HYAL3: variants seen among roughly 807,000 people sequenced by gnomAD.
HYAL3 encodes hyaluronidase-3.
In HYAL3, 25 loss-of-function variants were observed where a neutral mutation model predicts 29.6. The observed-to-expected ratio is 0.85, with a 90% CI of 0.62 to 1.18. HYAL3 has a LOEUF of 1.18. Ranked by LOEUF, HYAL3 falls within the 50% of genes most tolerant of loss-of-function variation. The pLI is 0.00. For missense variants in HYAL3, 442 were observed against 548.4 expected (o/e 0.81, Z 1.94); for synonymous variants, 215 against 218.3 (o/e 0.99, Z 0.13).
intron 1 of HYAL3, chr3:50,296,658 G>A (rs782146142): frequency 1.2e-6 from 2 of 1,614,000 alleles, no homozygotes; most frequent in South Asian, 1.1e-5. Context: ...TTGATATTGT[G>A]TCTCCAGCAG....
intron 1 of HYAL3, chr3:50,298,124 C>G: frequency 1.0e-6 from 1 of 983,458 alleles, no homozygotes; most frequent in Non-Finnish European, 1.2e-6. Flanking sequence ...ACACTATACC[C>G]CCTGCTCAAA....
chr3:50,296,734 G>A lies in HYAL3; in HGVS notation c.-17-1115C>T, dbSNP rs374067234. ...GTCAGGCACTCAGGTAGGGGAGGGG[G>A]TGGTGGCAATGGAGGTCCCTTGGGA... On this transcript the variant is annotated intron_variant, in intron 1 of 3. Transcript: ENST00000336307. 80 of 1,611,624 alleles carry A rather than the reference G, an allele frequency of 5.0e-5. No homozygotes were observed. Among genetic ancestry groups the A allele is most frequent in the Non-Finnish European group, 6.1e-5 (72 of 1,178,846 alleles).
In HYAL3 at chr3:50,299,395, T is replaced by C. The variant is rs1328801528; in HGVS notation, c.-200A>G. The C allele has an allele frequency of 7.2e-7, 1 of 1,392,728 alleles. No individual in the cohort carries two copies. Among genetic ancestry groups the C allele is most frequent in the Non-Finnish European group, 9.7e-7 (1 of 1,029,188 alleles). The allele number at this position is 1,392,728 out of a possible 1,614,324, so 86.3% of individuals were successfully genotyped here. A position where few individuals can be genotyped will look rare whatever the true frequency, so the allele number is the denominator to read the frequency against. On this transcript the variant is annotated 5_prime_UTR_variant, in exon 1 of 4. Coordinates refer to ENST00000336307, the MANE Select transcript of HYAL3 (RefSeq NM_003549.4). ...TCTAAGGCCTCCCAGCACCCGCGCG[T>C]CGCCGCTTAGAACCCGCCCCTGGTT... is the stretch of plus-strand genomic sequence containing the variant.
At position 50,295,039 on chromosome 3, in the gene HYAL3, G is replaced by A; in HGVS notation, c.564C>T (p.Ala188=). 1.2e-6 allele frequency: 2 copies of A among 1,613,374 alleles called. No homozygotes were observed. Among genetic ancestry groups the A allele is most frequent in the Non-Finnish European group, 1.7e-6 (2 of 1,179,918 alleles). Residue 188 remains alanine, a synonymous_variant, in exon 2 of 4, where the codon GCC becomes GCT. Transcript: ENST00000336307. The part of the protein sequence containing the change: ...RALMEDTLRV[A]QALRPHGLWG... ...AGAGTCCATGGGGCCGTAGTGCCTG[G>A]GCCACCCGCAGCGTATCCTCCATCA... is the stretch of plus-strand genomic sequence containing the variant.
chr3:50,296,628 A>G, intron 1 of HYAL3: 1 of 1,613,818 alleles, frequency 6.2e-7, no homozygotes, highest in Non-Finnish European at 8.5e-7. Context: ...CATCCAGAAT[A>G]TGGGGCGCCC....
In HYAL3 at chr3:50,299,359, C is replaced by G; in HGVS notation, c.-164G>C. ...TCTGCAGCCGTCGCGTCCTGCGGCA[C>G]GCCACGGCGTTCTAAGGCCTCCCAG... is the stretch of plus-strand genomic sequence containing the variant. On this transcript the variant is annotated 5_prime_UTR_variant, in exon 1 of 4. Transcript: ENST00000336307. 1.3e-6 allele frequency: 2 copies of G among 1,547,000 alleles called. No homozygotes were observed. The highest frequency in any genetic ancestry group is 1.7e-6 in the Non-Finnish European group (2 of 1,147,444).
At position 50,294,914 on chromosome 3, in the gene HYAL3, T is replaced by A. The variant is rs1701779354; in HGVS notation, c.689A>T (p.Gln230Leu). 6.3e-7 allele frequency: 1 copy of A among 1,592,066 alleles called. No homozygotes were observed. The highest frequency in any genetic ancestry group is 1.3e-5 in the African/African-American group (1 of 74,558). Residue 230 changes from glutamine (Q) to leucine (L), a missense_variant, in exon 2 of 4, where the codon CAA becomes CTA. Coordinates refer to ENST00000336307, the MANE Select transcript of HYAL3 (RefSeq NM_003549.4). ...CHAATLARNT[Q>L]LHWLWAASSA... ...GGAGGCGGCCCAGAGCCAATGCAGT[T>A]GAGTGTTGCGGGCAAGGGTGGCTGC...
chr3:50,296,257 G>C (rs1553711120), intron 1 of HYAL3: 1 of 327,484 alleles, frequency 3.1e-6, no homozygotes, highest in Admixed American at 4.5e-5. Context: ...CCTGAGCCAG[G>C]TGGGGGGTAA....
intron 1 of HYAL3, 118 bp downstream of exon 1, chr3:50,299,095 G>A: frequency 6.2e-7 from 1 of 1,605,992 alleles, no homozygotes. Context: ...GTGTGGCTCG[G>A]CATGGTCTGG....
chr3:50,297,005 G>T lies in HYAL3; in HGVS notation c.-17-1386C>A. The T allele has an allele frequency of 6.4e-7, 1 of 1,555,104 alleles. No homozygotes were observed. ...CCTCCAGGCCCTCCATGAGGCGGCG[G>T]CCAAAGCCACGGCCCCTCAGGGCCC... On this transcript the variant is annotated intron_variant, in intron 1 of 3. Coordinates refer to ENST00000336307, the MANE Select transcript of HYAL3 (RefSeq NM_003549.4). The surrounding 1 kb of genome is among the most constrained non-coding windows in gnomAD (Gnocchi z 4.3).
rs1228953135 is a variant in HYAL3 at position 50,293,621 on chromosome 3, G to T, written c.984+11C>A. On this transcript the variant is annotated intron_variant, in intron 3 of 3. Transcript: ENST00000336307. ...TGTGCTACATGGCAGGCTCAAAGGG[G>T]CAATGATCACCTCAGAGCTGGAGAG... 1 of 1,613,678 alleles carries T rather than the reference G, an allele frequency of 6.2e-7. No individual in the cohort carries two copies. The highest frequency in any genetic ancestry group is 8.5e-7 in the Non-Finnish European group (1 of 1,179,950).
At chr3:50,295,839 G>A (rs782368917) in intron 1 of HYAL3, 94 of 548,156 alleles carry the variant, frequency 1.7e-4, no homozygotes, top group Middle Eastern at 4.8e-4. Flanking sequence ...ACACCAAAGC[G>A]GGCTTTACAG....
Position 50,297,423 on chromosome 3 carries a change from A to C in HYAL3, c.-18+1790T>G, listed in dbSNP as rs782213113. The C allele has an allele frequency of 6.2e-7, 1 of 1,613,012 alleles. No homozygotes were observed. Among genetic ancestry groups the C allele is most frequent in the South Asian group, 1.1e-5 (1 of 90,874 alleles). On this transcript the variant is annotated intron_variant, in intron 1 of 3. Transcript: ENST00000336307. This position sits in a 1 kb window ranked among gnomAD's most constrained non-coding sequence, Gnocchi z 4.3. ...CAGCTTTGGCTGGCACGCAGGATCC[A>C]GAGTCAGCTCAGCTGGGCTGGTACT...
rs782691373 is a variant in HYAL3 at position 50,293,370 on chromosome 3, G to C, written c.1130C>G (p.Ala377Gly). The change falls in exon 4 of 4, where the codon GCC becomes GGC. Residue 377 changes from alanine (A) to glycine (G), a missense_variant. Transcript: ENST00000336307. Reference sequence around the variant, plus strand: ...GCCGTCTGGCCACAGGTGTAGAAAGGCTTCCATCTGTCCTGGATCTCGCCG... The same window carrying C: ...GCCGTCTGGCCACAGGTGTAGAAAGCCTTCCATCTGTCCTGGATCTCGCCG... ...CARRDPGQME[A>G]FLHLWPDGSL... 6.2e-7 allele frequency: 1 copy of C among 1,613,458 alleles called. No homozygotes were observed. The highest frequency in any genetic ancestry group is 1.3e-5 in the African/African-American group (1 of 74,942).
intron 1 of HYAL3, 86 bp from the exon 2 acceptor site, chr3:50,295,705 C>A: frequency 8.6e-7 from 1 of 1,162,596 alleles, no homozygotes; most frequent in East Asian, 2.5e-5. Flanking sequence ...AAAGCTCCCC[C>A]AGCTCCTCCC....
In HYAL3 at chr3:50,299,286, C is replaced by T. The variant is rs1327936019; in HGVS notation, c.-91G>A. On this transcript the variant is annotated 5_prime_UTR_variant, in exon 1 of 4. Transcript: ENST00000336307. ...TGGGTATCTCACTCAGTCGCCACCT[C>T]GGACTCCTCGGTCCGACAACGTTGG... The T allele has an allele frequency of 1.9e-6, 3 of 1,612,878 alleles. No individual in the cohort carries two copies. Among genetic ancestry groups the T allele is most frequent in the Non-Finnish European group, 2.5e-6 (3 of 1,179,846 alleles).
At chr3:50,296,194 G>A (rs991078312) in intron 1 of HYAL3, among the ~76,000 whole-genome samples, 9 of 152,196 alleles carry the variant, frequency 5.9e-5, no homozygotes, top group African/African-American at 2.2e-4. Context: ...ACACACAGTA[G>A]GTGCTCAGTG....
rs782352104 is a variant in HYAL3, at chr3:50,297,444, G to A, written c.-18+1769C>T. Reference sequence around the variant, plus strand: ...ATCCAGAGTCAGCTCAGCTGGGCTGGTACTCAGGATCAGCTCCATCCGGTG... The same window carrying A: ...ATCCAGAGTCAGCTCAGCTGGGCTGATACTCAGGATCAGCTCCATCCGGTG... On this transcript the variant is annotated intron_variant, in intron 1 of 3. Coordinates refer to ENST00000336307, the MANE Select transcript of HYAL3 (RefSeq NM_003549.4). This position sits in a 1 kb window ranked among gnomAD's most constrained non-coding sequence, Gnocchi z 4.3. The A allele has an allele frequency of 1.9e-6, 3 of 1,609,526 alleles. No homozygotes were observed. Among genetic ancestry groups the A allele is most frequent in the Non-Finnish European group, 2.5e-6 (3 of 1,177,474 alleles).
At chr3:50,295,730 G>A in intron 1 of HYAL3, 111 bp from the exon 2 acceptor site, 2 of 932,272 alleles carry the variant, frequency 2.1e-6, no homozygotes, top group Non-Finnish European at 3.1e-6. Context: ...CTTACAGGAG[G>A]AGCTGGGGAA....
Sources: allele counts gnomAD v4.1 joint callset (sites outside exome capture counted in the v4.1 genomes callset), GRCh38; gene constraint gnomAD v4.1.1; non-coding constraint Gnocchi (gnomAD v3.1); transcripts MANE v1.5; gene names NCBI Gene and HGNC (gene_info 2026-07-23, HGNC 2026-07-21).